The following ZNF799 variants were observed in gnomAD, a reference collection of about 807,000 sequenced individuals.
ZNF799 encodes the protein zinc finger protein 14.
In ZNF799, 28 loss-of-function variants were observed where a neutral mutation model predicts 41.0. That is an observed-to-expected ratio of 0.68 (90% CI 0.51 to 0.94). The LOEUF (loss-of-function observed/expected upper bound fraction) is 0.94. Among genes scored for constraint, ZNF799 ranks in the 40% least tolerant of loss-of-function variants. The probability of loss-of-function intolerance (pLI) is 0.00; values close to 1 mark genes in which losing one functional copy is unlikely to be tolerated. For missense variants in ZNF799, 716 were observed against 764.3 expected, an observed-to-expected ratio of 0.94 and a Z score of 0.74; for synonymous variants, 213 against 252.9, an observed-to-expected ratio of 0.84 and a Z score of 1.50.
chr19:12,391,973 G>T lies in ZNF799; in HGVS notation c.425C>A (p.Thr142Lys). 8 of 1,614,020 alleles carry T rather than the reference G, an allele frequency of 5.0e-6. No homozygotes were observed. Among genetic ancestry groups the T allele is most frequent in the Non-Finnish European group, 6.8e-6 (8 of 1,179,972 alleles). The change falls in exon 4 of 4, where the codon ACG becomes AAG. Residue 142 changes from threonine to lysine, a missense_variant. Around this residue, in one of 2 missense-constraint regions of ZNF799, gnomAD observed 698 missense variants for 713.6 expected, o/e 0.98. Transcript: ENST00000430385. ...EYHECGEKPD[T>K]HKQRGKAFSY... is the part of the protein sequence containing the mutation. ...GAAGGCTTTCCCACGTTGTTTATGCGTATCTGGCTTCTCTCCACATTCATG... is the reference window on the plus strand; with the variant it reads ...GAAGGCTTTCCCACGTTGTTTATGCTTATCTGGCTTCTCTCCACATTCATG...
At chr19:12,414,979 T>C in the ZNF799 span, among the ~76,000 whole-genome samples, 1 of 152,138 alleles carries the variant, frequency 6.6e-6, no homozygotes, top group Non-Finnish European at 1.5e-5. Context: ...AACGCTCCAA[T>C]CAAAACCTGA....
intron 1 of ZNF799, 113 bp from the exon 2 acceptor site, chr19:12,393,536 G>T: frequency 7.5e-7 from 1 of 1,335,794 alleles, no homozygotes; most frequent in Non-Finnish European, 9.8e-7. Context: ...TTTATTCAAT[G>T]ACATGGTAAA....
the ZNF799 span, among the ~76,000 whole-genome samples, chr19:12,407,507 A>C: frequency 2.0e-5 from 3 of 152,032 alleles, no homozygotes; most frequent in African/African-American, 7.2e-5. Context: ...ACTAGAACAA[A>C]TTCTGGTCAC....
chr19:12,396,649 C>CA (rs531549654), intron 1 of ZNF799, among the ~76,000 whole-genome samples: 14 of 143,872 alleles, frequency 9.7e-5, no homozygotes, highest in South Asian at 6.5e-4. Flanking sequence ...ACCTCTGTCT[C>CA]AAAAAAAAAG....
At chr19:12,404,741 C>T (rs1970018226), upstream of ZNF799, among the ~76,000 whole-genome samples, 1 of 152,184 alleles carries the variant, frequency 6.6e-6, no homozygotes, top group South Asian at 2.1e-4. Context: ...AACTCAGTCC[C>T]TGTCAAATTT....
chr19:12,405,235 A>G (rs867405557), upstream of ZNF799, among the ~76,000 whole-genome samples: 5 of 152,012 alleles, frequency 3.3e-5, no homozygotes, highest in South Asian at 1.0e-3. Context: ...ATATATATAT[A>G]TCCTATTAGT....
chr19:12,404,459 A>C (rs2045776215), upstream of ZNF799, among the ~76,000 whole-genome samples: 1 of 151,778 alleles, frequency 6.6e-6, no homozygotes, highest in African/African-American at 2.4e-5. Context: ...TTTGAGACAG[A>C]GTTTCACTCT....
chr19:12,400,648 A>C (rs1411832264), intron 1 of ZNF799: 36 of 325,344 alleles, frequency 1.1e-4, no homozygotes, highest in Non-Finnish European at 2.0e-4. Context: ...CAACGACCCT[A>C]CACCCAGCCG....
the ZNF799 span, among the ~76,000 whole-genome samples, chr19:12,411,611 C>T: frequency 3.7e-5 from 5 of 134,366 alleles, no homozygotes; most frequent in South Asian, 2.8e-4. Context: ...TTTGGTTTTT[C>T]GTTTTTGTTT....
the ZNF799 span, among the ~76,000 whole-genome samples, chr19:12,415,056 T>C: frequency 2.0e-5 from 3 of 152,112 alleles, no homozygotes; most frequent in Admixed American, 2.0e-4. Flanking sequence ...ATAAAAGCAT[T>C]GTGAGGCCAG....
chr19:12,395,619 G>A (rs914488245), intron 1 of ZNF799, among the ~76,000 whole-genome samples: 1 of 152,188 alleles, frequency 6.6e-6, no homozygotes, highest in Non-Finnish European at 1.5e-5. Context: ...AAGAGAAAAT[G>A]TCCTCCAGAT....
upstream of ZNF799, among the ~76,000 whole-genome samples, chr19:12,402,830 G>C (rs965864857): frequency 3.9e-5 from 6 of 151,994 alleles, no homozygotes; most frequent in Non-Finnish European, 7.4e-5. Context: ...GTTAAATTCA[G>C]TTTGCTAGTA....
chr19:12,406,581 C>T, the ZNF799 span, among the ~76,000 whole-genome samples: 1 of 151,084 alleles, frequency 6.6e-6, no homozygotes, highest in African/African-American at 2.4e-5. Flanking sequence ...AACCAGAAAA[C>T]AGATGTAGGG....
In ZNF799 at chr19:12,390,268, G is replaced by A. The variant is rs1471142660; in HGVS notation, c.*198C>T. 1 of 905,040 alleles carries A rather than the reference G, an allele frequency of 1.1e-6. No individual in the cohort carries two copies. Among genetic ancestry groups the A allele is most frequent in the African/African-American group, 1.7e-5 (1 of 59,526 alleles). 56.1% of individuals were successfully genotyped at this position (905,040 alleles called of 1,614,324 possible). On this transcript the variant is annotated 3_prime_UTR_variant, in exon 4 of 4. Coordinates refer to ENST00000430385, the MANE Select transcript of ZNF799 (RefSeq NM_001080821.3). ...ATATGTCATTTTATAAAAGGGACTGGACATGGCTCACGGAGTGCTGGAACC... is the reference window on the plus strand; with the variant it reads ...ATATGTCATTTTATAAAAGGGACTGAACATGGCTCACGGAGTGCTGGAACC...
intron 1 of ZNF799, chr19:12,394,844 G>A: frequency 1.0e-6 from 1 of 985,294 alleles, no homozygotes; most frequent in Non-Finnish European, 1.2e-6. Context: ...CCAAGAAAGT[G>A]CAGCATTCCA....
chr19:12,397,160 T>C (rs1043134041), intron 1 of ZNF799, among the ~76,000 whole-genome samples: 1 of 152,198 alleles, frequency 6.6e-6, no homozygotes, highest in African/African-American at 2.4e-5. Flanking sequence ...CACTGGGTTA[T>C]ATAAGCATTA....
chr19:12,396,425 G>A (rs1969894817), intron 1 of ZNF799, among the ~76,000 whole-genome samples: 1 of 152,230 alleles, frequency 6.6e-6, no homozygotes, highest in Admixed American at 6.5e-5. Context: ...CAAGGTGTGT[G>A]GATCACCTGA....
At chr19:12,401,594 GA>G (rs1969988807), upstream of ZNF799, among the ~76,000 whole-genome samples, 3 of 130,718 alleles carry the variant, frequency 2.3e-5, no homozygotes, top group East Asian at 4.6e-4. Context: ...GAGAGAGAGA[GA>G]GAGAGGGAGT....
At chr19:12,399,038 T>C (rs559515739) in intron 1 of ZNF799, among the ~76,000 whole-genome samples, 1 of 152,382 alleles carries the variant, frequency 6.6e-6, no homozygotes, top group African/African-American at 2.4e-5. Flanking sequence ...GTATACTTTG[T>C]CTTCAAAGTA....
Sources: gnomAD v4.1 joint callset for allele counts (sites outside exome capture counted in the v4.1 genomes callset) on GRCh38, gnomAD v4.1.1 for gene constraint, gnomAD v4.1.1 regional missense constraint, MANE v1.5 for transcripts, NCBI Gene and HGNC (gene_info 2026-07-23, HGNC 2026-07-21) for gene names.